ITPR2: variants seen among roughly 807,000 people sequenced by gnomAD.
The protein encoded by ITPR2 is inositol 1,4,5-trisphosphate receptor type 2, also known as inositol 1,4,5-trisphosphate-gated calcium channel ITPR2.
ITPR2 carries 207 observed loss-of-function variants against 317.1 expected under a neutral mutation model. The observed-to-expected ratio is 0.65, with a 90% confidence interval of 0.58 to 0.73. The LOEUF is 0.73. Among genes scored for constraint, ITPR2 ranks in the 30% least tolerant of loss-of-function variants. ITPR2 has a pLI of 0.00. For missense variants in ITPR2, 2,613 were observed against 3,284.0 expected, an observed-to-expected ratio of 0.80 and a Z score of 4.99; for synonymous variants, 1,156 against 1,149.1, an observed-to-expected ratio of 1.01 and a Z score of -0.12.
At position 26,532,326 on chromosome 12, in the gene ITPR2, A is replaced by G. The variant is rs75567352; in HGVS notation, c.5073+17921T>C. ...GCAAAATTGTGTATGTGTGGTTTAC[A>G]CAAACTTGTGAACAGTATAAAACAC... is the stretch of plus-strand genomic sequence containing the variant. On this transcript the variant is annotated intron_variant, in intron 37 of 56. Coordinates refer to ENST00000381340, the MANE Select transcript of ITPR2 (RefSeq NM_002223.4). 7.0e-3 allele frequency among the ~76,000 whole-genome samples: 1,070 copies of G among 152,370 alleles called. 13 individuals carry two copies. The highest frequency in any genetic ancestry group is 0.024 in the African/African-American group (1,005 of 41,588).
intron 15 of ITPR2, among the ~76,000 whole-genome samples, chr12:26,661,382 T>A (rs12319756): frequency 0.22 from 31,190 of 144,350 alleles, 3,966 homozygotes; most frequent in African/African-American, 0.36. Flanking sequence ...GAGAGGGGAG[T>A]GAGAAAGAAC....
intron 45 of ITPR2, among the ~76,000 whole-genome samples, chr12:26,463,152 A>G (rs965676141): frequency 3.9e-5 from 6 of 152,198 alleles, no homozygotes; most frequent in Non-Finnish European, 8.8e-5. Context: ...TCATGGGTTC[A>G]CTTATAATTG....
intron 34 of ITPR2, among the ~76,000 whole-genome samples, 168 bp from the exon 35 acceptor site, chr12:26,562,120 C>A (rs1255968836): frequency 1.3e-5 from 2 of 152,124 alleles, no homozygotes; most frequent in Non-Finnish European, 2.9e-5. Context: ...TATTTCAATT[C>A]TTAAGACCAA....
intron 9 of ITPR2, among the ~76,000 whole-genome samples, chr12:26,696,559 C>CAAAGCAAAATG (rs770887586): frequency 2.6e-5 from 4 of 151,788 alleles, no homozygotes; most frequent in Non-Finnish European, 5.9e-5. Flanking sequence ...AAAACAAAAG[C>CAAAGCAAAATG]AAAGCAAAAT....
intron 42 of ITPR2, among the ~76,000 whole-genome samples, chr12:26,482,497 A>T (rs1942565097): frequency 6.6e-6 from 1 of 152,236 alleles, no homozygotes; most frequent in South Asian, 2.1e-4. Context: ...TCTATTATAG[A>T]TGTACAAGTT....
At chr12:26,434,361 C>G (rs1404738559) in intron 48 of ITPR2, among the ~76,000 whole-genome samples, 1 of 152,160 alleles carries the variant, frequency 6.6e-6, no homozygotes, top group Non-Finnish European at 1.5e-5. Context: ...ACAACATCCG[C>G]TGCTGTTATT....
chr12:26,733,579 G>A (rs11048672), intron 2 of ITPR2, among the ~76,000 whole-genome samples: 1 of 152,110 alleles, frequency 6.6e-6, no homozygotes, highest in Non-Finnish European at 1.5e-5. Flanking sequence ...TGAAATCTTA[G>A]TCTCAAAGAG....
At chr12:26,790,115 C>T in intron 2 of ITPR2, 42 bp downstream of exon 2, 2 of 1,267,462 alleles carry the variant, frequency 1.6e-6, no homozygotes, top group Non-Finnish European at 2.3e-6. Flanking sequence ...AATAATCCTC[C>T]CTCTTAGCTC....
At chr12:26,415,523 TAAGAAAAGA>T (rs66797056) in intron 50 of ITPR2, 25 bp from the exon 51 acceptor site, 665,472 of 1,470,318 alleles carry the variant, frequency 0.45, 160,560 homozygotes, top group Non-Finnish European at 0.49. Flanking sequence ...AAAACACTAA[TAAGAAAAGA>T]AGGCATTGGA....
At chr12:26,784,037 A>T (rs1473699510) in intron 2 of ITPR2, among the ~76,000 whole-genome samples, 1 of 70,030 alleles carries the variant, frequency 1.4e-5, no homozygotes, top group South Asian at 3.4e-4. Context: ...ATGCAGTCAA[A>T]AGGACTTTAG....
chr12:26,469,115 A>G (rs985788288), intron 45 of ITPR2, among the ~76,000 whole-genome samples: 2 of 152,288 alleles, frequency 1.3e-5, no homozygotes, highest in East Asian at 3.9e-4. Context: ...TAAGACAAAC[A>G]CATTCAATTA....
chr12:26,617,772 G>A (rs1379582427), intron 26 of ITPR2, among the ~76,000 whole-genome samples: 1 of 148,852 alleles, frequency 6.7e-6, no homozygotes, highest in Admixed American at 6.7e-5. Context: ...GGGAGGGAAG[G>A]AAGGAGGGAA....
chr12:26,420,414 A>G (rs1251573849), intron 49 of ITPR2, among the ~76,000 whole-genome samples: 1 of 152,202 alleles, frequency 6.6e-6, no homozygotes. Flanking sequence ...ATAACATAAG[A>G]AGGACCATAA....
rs138384981 is a variant in ITPR2, at chr12:26,411,122, C to T, written c.7399+198G>A. 1.1e-3 allele frequency: 583 copies of T among 524,678 alleles called. 3 individuals are homozygous for T. The highest frequency in any genetic ancestry group is 9.8e-3 in the African/African-American group (512 of 52,088). 32.5% of individuals were successfully genotyped at this position (524,678 alleles called of 1,614,324 possible). ...ATCCTCCTGAATAGAAACAATATAA[C>T]GAACAGGAGAGGGGTACAAAATGAC... On this transcript the variant is annotated intron_variant, in intron 52 of 56. Transcript: ENST00000381340.
intron 2 of ITPR2, among the ~76,000 whole-genome samples, chr12:26,729,121 A>G (rs1423888243): frequency 6.6e-6 from 1 of 152,212 alleles, no homozygotes; most frequent in Admixed American, 6.5e-5. Context: ...CAAGTAAAAA[A>G]TAAACAACCC....
At chr12:26,362,947 C>T (rs879421704) in intron 55 of ITPR2, among the ~76,000 whole-genome samples, 1 of 152,146 alleles carries the variant, frequency 6.6e-6, no homozygotes, top group Non-Finnish European at 1.5e-5. Flanking sequence ...CTCCCCAAGA[C>T]ACAGGAAGAA....
At position 26,686,495 on chromosome 12, in the gene ITPR2, G is replaced by C; in HGVS notation, c.1134C>G (p.Asp378Glu). The C allele has an allele frequency of 6.3e-7, 1 of 1,586,336 alleles. No individual in the cohort carries two copies. The highest frequency in any genetic ancestry group is 8.6e-7 in the Non-Finnish European group (1 of 1,166,148). ...ATTTTTTTTACCTTGGAACCAGGCA[G>C]TCAGCTCTCTGAAGAGTTGTGGCAT... Reference protein sequence around the residue: ...ELDATTLQRADCLVPRNSYVR... With the variant: ...ELDATTLQRAECLVPRNSYVR... The change falls in exon 11 of 57, where the codon GAC becomes GAG. Residue 378 changes from aspartate (D) to glutamate (E), a missense_variant. By Grantham distance (45) the Asp-to-Glu change is conservative (BLOSUM62 2). Transcript: ENST00000381340.
intron 10 of ITPR2, among the ~76,000 whole-genome samples, chr12:26,690,324 C>A (rs887604890): frequency 6.6e-6 from 1 of 151,176 alleles, no homozygotes; most frequent in Non-Finnish European, 1.5e-5. Context: ...AAAACAGTTT[C>A]TCTCACCATT....
chr12:26,716,999 T>C (rs1315475442), intron 5 of ITPR2, among the ~76,000 whole-genome samples: 3 of 152,186 alleles, frequency 2.0e-5, no homozygotes, highest in African/African-American at 7.2e-5. Flanking sequence ...ATAACTCAAA[T>C]TGTGGGGAAT....
Sources: allele counts gnomAD v4.1 joint callset (sites outside exome capture counted in the v4.1 genomes callset), GRCh38; gene constraint gnomAD v4.1.1; transcripts MANE v1.5; gene names NCBI Gene and HGNC (gene_info 2026-07-23, HGNC 2026-07-21).